SUSD6: variants seen among roughly 807,000 people sequenced by gnomAD.
SUSD6 encodes the protein sushi domain-containing protein 6.
Under a neutral mutation model 28.4 loss-of-function variants are expected in SUSD6, and 16 were observed. That is an observed-to-expected ratio of 0.56 (90% CI 0.38 to 0.86). The LOEUF is 0.86. Ranked by LOEUF, SUSD6 falls within the 40% of genes least tolerant of loss-of-function variation. The pLI is 0.00. For synonymous variants in SUSD6, 147 were observed against 159.6 expected, an observed-to-expected ratio of 0.92 and a Z score of 0.59; for missense variants, 341 against 384.2, an observed-to-expected ratio of 0.89 and a Z score of 0.94.
At chr14:69,680,879 A>C (rs1885988196) in intron 2 of SUSD6, among the ~76,000 whole-genome samples, 5 of 152,206 alleles carry the variant, frequency 3.3e-5, no homozygotes. Context: ...CTTTCCAGTC[A>C]AAACGAAGAC....
chr14:69,676,807 A>G (rs1326861757), intron 2 of SUSD6, among the ~76,000 whole-genome samples: 1 of 152,268 alleles, frequency 6.6e-6, no homozygotes, highest in African/African-American at 2.4e-5. Context: ...CTAATAATGT[A>G]GAACAGTTCC....
intron 2 of SUSD6, among the ~76,000 whole-genome samples, chr14:69,665,127 A>C (rs1487384819): frequency 6.6e-6 from 1 of 152,160 alleles, no homozygotes; most frequent in Non-Finnish European, 1.5e-5. Context: ...TCCATGGTGC[A>C]ATGTGAATGA....
At chr14:69,688,775 G>T (rs1886111951) in intron 2 of SUSD6, among the ~76,000 whole-genome samples, 1 of 152,160 alleles carries the variant, frequency 6.6e-6, no homozygotes, top group South Asian at 2.1e-4. Flanking sequence ...ACTTATATGG[G>T]CAGCTTCTTC....
At chr14:69,635,568 C>T (rs904051339) in intron 1 of SUSD6, among the ~76,000 whole-genome samples, 22 of 151,424 alleles carry the variant, frequency 1.5e-4, no homozygotes, top group South Asian at 2.1e-4. Flanking sequence ...AAGTCATCTC[C>T]TCTGCCCCCA....
At chr14:69,650,568 G>A (rs796830209) in intron 1 of SUSD6, among the ~76,000 whole-genome samples, 2 of 152,290 alleles carry the variant, frequency 1.3e-5, no homozygotes, top group South Asian at 2.1e-4. Context: ...GCTGGGTTTG[G>A]AGAAGGGGTT....
intron 2 of SUSD6, among the ~76,000 whole-genome samples, chr14:69,678,777 T>C (rs1028343445): frequency 6.6e-6 from 1 of 152,122 alleles, no homozygotes; most frequent in Non-Finnish European, 1.5e-5. Context: ...CACTCCAGCC[T>C]GGGCAACAGA....
chr14:69,673,581 G>T (rs897428285), intron 2 of SUSD6, among the ~76,000 whole-genome samples: 5 of 152,180 alleles, frequency 3.3e-5, no homozygotes, highest in African/African-American at 1.2e-4. Flanking sequence ...GAGGTTAAGG[G>T]AGGATGCTGG....
At chr14:69,642,821 C>T (rs1885372872) in intron 1 of SUSD6, among the ~76,000 whole-genome samples, 1 of 152,108 alleles carries the variant, frequency 6.6e-6, no homozygotes, top group Non-Finnish European at 1.5e-5. Flanking sequence ...TATTTTCCCA[C>T]CCTTGCTAGT....
chr14:69,637,292 A>G (rs1333800261), intron 1 of SUSD6, among the ~76,000 whole-genome samples: 2 of 152,002 alleles, frequency 1.3e-5, no homozygotes, highest in Non-Finnish European at 2.9e-5. Context: ...TGTGCTCAGT[A>G]CTTACCGCAC....
intron 4 of SUSD6, among the ~76,000 whole-genome samples, chr14:69,705,187 G>A (rs1197659538): frequency 1.3e-5 from 2 of 151,778 alleles, no homozygotes; most frequent in Non-Finnish European, 2.9e-5. Flanking sequence ...GTGTGGTGGC[G>A]CGCGCCTGTA....
intron 2 of SUSD6, among the ~76,000 whole-genome samples, chr14:69,674,923 T>G (rs1022709649): frequency 2.0e-5 from 3 of 152,208 alleles, no homozygotes; most frequent in African/African-American, 7.2e-5. Context: ...AAGATTAAAG[T>G]TGATTTGATT....
At chr14:69,703,098 A>G (rs1886335060) in intron 2 of SUSD6, among the ~76,000 whole-genome samples, 1 of 152,196 alleles carries the variant, frequency 6.6e-6, no homozygotes, top group African/African-American at 2.4e-5. Context: ...TATTATGTCT[A>G]GATCTCTATA....
Position 69,627,144 on chromosome 14 carries a change from C to A in SUSD6, c.-81+15316C>A, listed in dbSNP as rs114982332. Among the ~76,000 whole-genome samples, 263 of 152,322 alleles carry A rather than the reference C, an allele frequency of 1.7e-3. 1 individual carries two copies. The highest frequency in any genetic ancestry group is 5.9e-3 in the African/African-American group (246 of 41,570). On this transcript the variant is annotated intron_variant, in intron 1 of 5. Transcript: ENST00000342745. ...ACCCTCCCACCACCATGGTGGAAGT[C>A]CCTCTAAAACACAAGTTGTTCAGGA...
At chr14:69,662,088 T>C (rs570430412) in intron 2 of SUSD6, among the ~76,000 whole-genome samples, 2 of 152,326 alleles carry the variant, frequency 1.3e-5, no homozygotes, top group African/African-American at 4.8e-5. Context: ...CTGGCCTCCT[T>C]CTTGCATTTC....
At chr14:69,693,393 C>G (rs1886179945) in intron 2 of SUSD6, among the ~76,000 whole-genome samples, 2 of 152,094 alleles carry the variant, frequency 1.3e-5, no homozygotes, top group African/African-American at 4.8e-5. Flanking sequence ...CATTTGTCAG[C>G]CAAGAGCAGC....
At chr14:69,632,637 A>G (rs897362811) in intron 1 of SUSD6, among the ~76,000 whole-genome samples, 8 of 147,966 alleles carry the variant, frequency 5.4e-5, no homozygotes, top group Non-Finnish European at 5.9e-5. Context: ...AATTACAGGA[A>G]ATCACAACTA....
chr14:69,646,304 T>C (rs1885425224), intron 1 of SUSD6, among the ~76,000 whole-genome samples: 1 of 152,198 alleles, frequency 6.6e-6, no homozygotes, highest in South Asian at 2.1e-4. Flanking sequence ...TAGGCTTTCC[T>C]TCCTCAGTAT....
intron 4 of SUSD6, among the ~76,000 whole-genome samples, chr14:69,706,890 T>G (rs1288945634): frequency 1.3e-5 from 2 of 152,134 alleles, no homozygotes; most frequent in Non-Finnish European, 2.9e-5. Flanking sequence ...CTATATTTCT[T>G]GAATTGATGA....
At chr14:69,633,527 T>C (rs1014139780) in intron 1 of SUSD6, among the ~76,000 whole-genome samples, 1 of 152,242 alleles carries the variant, frequency 6.6e-6, no homozygotes, top group African/African-American at 2.4e-5. Context: ...TCAGATCTCC[T>C]TTCTTTCCTT....
Sources: allele counts gnomAD v4.1 joint callset (sites outside exome capture counted in the v4.1 genomes callset), GRCh38; gene constraint gnomAD v4.1.1; transcripts MANE v1.5; gene names NCBI Gene and HGNC (gene_info 2026-07-23, HGNC 2026-07-21).